The following ARMC9 variants were observed in gnomAD, a reference collection of about 807,000 sequenced individuals.
ARMC9 encodes lisH domain-containing protein ARMC9.
ARMC9 carries 94 observed loss-of-function variants against 107.0 expected under a neutral mutation model. The observed-to-expected ratio is 0.88, with a 90% CI of 0.74 to 1.04. The LOEUF is 1.04. Among genes scored for constraint, ARMC9 ranks in the 50% least tolerant of loss-of-function variants. The pLI is 0.00. For synonymous variants in ARMC9, 380 were observed against 396.9 expected (o/e 0.96, Z 0.51); for missense variants, 942 against 1,030.1 (o/e 0.91, Z 1.17).
At position 231,297,268 on chromosome 2, in the gene ARMC9, G is replaced by A. The variant is rs2041439478; in HGVS notation, c.1773+1015G>A. Among the ~76,000 whole-genome samples, 1 of 152,172 alleles carries A rather than the reference G, an allele frequency of 6.6e-6. No homozygotes were observed. The highest frequency in any genetic ancestry group is 2.1e-4 in the South Asian group (1 of 4,824). ...GGCTCTTCCTGCCTTGTCCAGCAGT[G>A]CAGAGCTTGACCTCCAGATAGGGGT... On this transcript the variant is annotated intron_variant, in intron 19 of 24. Transcript: ENST00000611582. The surrounding 1 kb of genome is among the most constrained non-coding windows in gnomAD (Gnocchi z 4.2).
chr2:231,297,885 C>T lies in ARMC9; in HGVS notation c.1773+1632C>T, dbSNP rs927024544. Reference sequence around the variant, plus strand: ...TTTGTCTCGAGATCTGTTTTCTTCCCTTCTTGTATCATCCCTTTGGGTTTT... The same window carrying T: ...TTTGTCTCGAGATCTGTTTTCTTCCTTTCTTGTATCATCCCTTTGGGTTTT... On this transcript the variant is annotated intron_variant, in intron 19 of 24. Transcript: ENST00000611582. This position sits in a 1 kb window ranked among gnomAD's most constrained non-coding sequence, Gnocchi z 4.2. 3.9e-5 allele frequency among the ~76,000 whole-genome samples: 6 copies of T among 151,918 alleles called. No homozygotes were observed. The highest frequency in any genetic ancestry group is 1.5e-4 in the African/African-American group (6 of 41,354).
intron 1 of ARMC9, 68 bp from the exon 2 acceptor site, chr2:231,206,130 C>A: frequency 1.0e-6 from 1 of 984,278 alleles, no homozygotes. Context: ...CTGCTCACCA[C>A]AACCACCTTT....
intron 10 of ARMC9, among the ~76,000 whole-genome samples, chr2:231,257,099 G>A (rs2037893668): frequency 6.6e-6 from 1 of 152,224 alleles, no homozygotes; most frequent in African/African-American, 2.4e-5. Context: ...ATAGGCGTGA[G>A]CCACCGCGCC....
intron 5 of ARMC9, among the ~76,000 whole-genome samples, chr2:231,220,356 G>A (rs2033985878): frequency 2.0e-5 from 3 of 152,072 alleles, no homozygotes; most frequent in South Asian, 4.2e-4. Flanking sequence ...TAGCACTTTG[G>A]GAGGCCAAGG....
intron 19 of ARMC9, among the ~76,000 whole-genome samples, chr2:231,303,918 A>G (rs145773816): frequency 0.032 from 4,805 of 151,516 alleles, 248 homozygotes; most frequent in African/African-American, 0.11. Context: ...ACTGGGCAAC[A>G]GAGCGAGACT....
At chr2:231,296,153 T>G (rs1485121476) in intron 18 of ARMC9, 45 bp from the exon 19 acceptor site, 1 of 1,476,018 alleles carries the variant, frequency 6.8e-7, no homozygotes, top group Non-Finnish European at 9.4e-7. Context: ...GGACCAAGGC[T>G]CCCACTGTTT....
chr2:231,337,469 GTT>G (rs1172469791), intron 20 of ARMC9, among the ~76,000 whole-genome samples: 1 of 99,532 alleles, frequency 1.0e-5, no homozygotes. Context: ...GCTAATTTTT[GTT>G]TTTTTTTTTT....
Position 231,285,193 on chromosome 2 carries a change from G to GTC in ARMC9, c.1626+3063_1626+3064dup, listed in dbSNP as rs2040500035. Among the ~76,000 whole-genome samples, 8 of 151,946 alleles carry GTC rather than the reference G, an allele frequency of 5.3e-5. No individual in the cohort carries two copies. The South Asian group carries it at 1.7e-3, about 32-fold the overall frequency. ...AGCCTGGGTAACAGAGCAAGACTCT[G>GTC]TCTCAAAAGGAAAAAAAAAATTATA... is the stretch of plus-strand genomic sequence containing the variant. On this transcript the variant is annotated intron_variant, in intron 17 of 24. Transcript: ENST00000611582.
At position 231,233,229 on chromosome 2, in the gene ARMC9, T is replaced by A. The variant is rs372643428; in HGVS notation, c.623-1995T>A. ...TAATCAAACATGAAGGTTTTTGAAA[T>A]ACAATTTGAATGTAGGTTTTTAGAA... is the stretch of plus-strand genomic sequence containing the variant. On this transcript the variant is annotated intron_variant, in intron 7 of 24. Coordinates refer to ENST00000611582, the MANE Select transcript of ARMC9 (RefSeq NM_001352754.2). Among the ~76,000 whole-genome samples the A allele has an allele frequency of 3.3e-5, 5 of 152,236 alleles. No individual in the cohort carries two copies. The East Asian group carries it at 9.6e-4, about 29-fold the overall frequency.
chr2:231,247,115 C>G (rs1383377040), intron 9 of ARMC9, among the ~76,000 whole-genome samples: 1 of 152,124 alleles, frequency 6.6e-6, no homozygotes, highest in Admixed American at 6.5e-5. Context: ...GCCACCATGC[C>G]CTGCTAATTT....
intron 15 of ARMC9, 104 bp downstream of exon 15, chr2:231,276,879 A>G: frequency 1.4e-6 from 2 of 1,433,702 alleles, no homozygotes; most frequent in Middle Eastern, 2.5e-4. Context: ...AGTCTCATAG[A>G]AAACTAAAAA....
At position 231,296,270 on chromosome 2, in the gene ARMC9, T is replaced by C. The variant is rs1198616989; in HGVS notation, c.1773+17T>C. 2 of 1,605,848 alleles carry C rather than the reference T, an allele frequency of 1.2e-6. No homozygotes were observed. Among genetic ancestry groups the C allele is most frequent in the African/African-American group, 2.7e-5 (2 of 74,706 alleles). On this transcript the variant is annotated intron_variant, in intron 19 of 24. Transcript: ENST00000611582. ...GATGATGAAGTAAGTTGGAGGTTCT[T>C]GACACCACATAGAAAACCCATACCA... is the stretch of plus-strand genomic sequence containing the variant.
At chr2:231,302,883 A>G (rs905336904) in intron 19 of ARMC9, among the ~76,000 whole-genome samples, 1 of 152,172 alleles carries the variant, frequency 6.6e-6, no homozygotes, top group Non-Finnish European at 1.5e-5. Flanking sequence ...GTGCGCCTGT[A>G]ATCTCAGCTA....
At chr2:231,268,644 G>A (rs2039051725) in intron 12 of ARMC9, among the ~76,000 whole-genome samples, 1 of 152,070 alleles carries the variant, frequency 6.6e-6, no homozygotes, top group African/African-American at 2.4e-5. Flanking sequence ...AAATTTTTTT[G>A]AGATCATGTA....
intron 16 of ARMC9, among the ~76,000 whole-genome samples, chr2:231,280,653 A>G (rs2040147999): frequency 6.6e-6 from 1 of 152,176 alleles, no homozygotes; most frequent in African/African-American, 2.4e-5. Flanking sequence ...TGAACATTAC[A>G]TTTTTTGATT....
chr2:231,320,111 A>G (rs1466043153), intron 19 of ARMC9, among the ~76,000 whole-genome samples: 3 of 137,444 alleles, frequency 2.2e-5, no homozygotes, highest in Non-Finnish European at 5.0e-5. Context: ...TACCCAGTTC[A>G]CCCACTTAGC....
At chr2:231,312,072 C>T (rs2042384758) in intron 19 of ARMC9, among the ~76,000 whole-genome samples, 1 of 152,098 alleles carries the variant, frequency 6.6e-6, no homozygotes, top group African/African-American at 2.4e-5. Context: ...ATCTTAGTGG[C>T]TTAAAAAACA....
intron 19 of ARMC9, among the ~76,000 whole-genome samples, chr2:231,328,574 G>A (rs1049877835): frequency 2.0e-5 from 3 of 151,940 alleles, no homozygotes; most frequent in African/African-American, 7.3e-5. Context: ...AGCACTATTT[G>A]TTGAAAGGAC....
At chr2:231,241,895 G>A (rs576234142) in intron 9 of ARMC9, among the ~76,000 whole-genome samples, 3 of 152,202 alleles carry the variant, frequency 2.0e-5, no homozygotes, top group African/African-American at 7.2e-5. Flanking sequence ...AGGGAAACAG[G>A]AGCAGTTACA....
Sources: allele counts gnomAD v4.1 joint callset (sites outside exome capture counted in the v4.1 genomes callset), GRCh38; gene constraint gnomAD v4.1.1; non-coding constraint Gnocchi (gnomAD v3.1); transcripts MANE v1.5; gene names NCBI Gene and HGNC (gene_info 2026-07-23, HGNC 2026-07-21).